The following DLG2 variants were observed in gnomAD, a reference collection of about 807,000 sequenced individuals.
DLG2 encodes the protein disks large homolog 2.
DLG2 carries 45 observed loss-of-function variants against 132.5 expected under a neutral mutation model. That is an observed-to-expected ratio of 0.34 (90% confidence interval 0.27 to 0.44). DLG2 has a LOEUF of 0.44. Ranked by LOEUF, DLG2 falls within the 20% of genes least tolerant of loss-of-function variation. The pLI is 1.00. For missense variants in DLG2, 1,045 were observed against 1,196.9 expected, an observed-to-expected ratio of 0.87 and a Z score of 1.87; for synonymous variants, 424 against 419.6, an observed-to-expected ratio of 1.01 and a Z score of -0.13.
intron 3 of DLG2, among the ~76,000 whole-genome samples, chr11:85,425,492 C>T (rs1390426151): frequency 1.3e-5 from 2 of 151,796 alleles, no homozygotes; most frequent in Non-Finnish European, 2.9e-5. Context: ...AAAAGTGGTA[C>T]ACTCATACAT....
intron 6 of DLG2, among the ~76,000 whole-genome samples, chr11:84,845,104 T>C (rs1009630433): frequency 5.3e-5 from 8 of 152,144 alleles, no homozygotes. Flanking sequence ...ACCACTAGAA[T>C]ATTCTCAGTT....
At chr11:84,397,590 G>T (rs1473128531) in intron 7 of DLG2, among the ~76,000 whole-genome samples, 2 of 152,152 alleles carry the variant, frequency 1.3e-5, no homozygotes, top group Admixed American at 1.3e-4. Flanking sequence ...TGATGAAAGT[G>T]GTAGTGACAA....
chr11:85,222,667 G>T (rs1315270597), intron 4 of DLG2, among the ~76,000 whole-genome samples: 2 of 152,214 alleles, frequency 1.3e-5, no homozygotes, highest in Non-Finnish European at 2.9e-5. Context: ...TAGACCCAGA[G>T]ACTGTGCTTT....
Position 84,420,621 on chromosome 11 carries a change from G to GCCT in DLG2, c.519+113946_519+113948dup, listed in dbSNP as rs1309572616. Among the ~76,000 whole-genome samples, 27 of 135,358 alleles carry GCCT rather than the reference G, an allele frequency of 2.0e-4. 1 individual carries two copies. The highest frequency in any genetic ancestry group is 6.6e-4 in the African/African-American group (25 of 37,676). 88.8% of individuals were successfully genotyped at this position (135,358 alleles called of 152,430 possible). ...TTTAATTTGCCGCTTGTATTTCACT[G>GCCT]CCTCAGCACAGTGACCAATGCTTGT... On this transcript the variant is annotated intron_variant, in intron 7 of 27. Transcript: ENST00000376104.
rs536389583 is a variant in DLG2 at position 83,499,586 on chromosome 11, T to TC, written c.2194-15359_2194-15358insG. 6.8e-3 allele frequency among the ~76,000 whole-genome samples: 1,031 copies of TC among 150,934 alleles called. 16 individuals are homozygous for TC. The highest frequency in any genetic ancestry group is 0.024 in the African/African-American group (998 of 41,204). On this transcript the variant is annotated intron_variant, in intron 21 of 27. Coordinates refer to ENST00000376104, the MANE Select transcript of DLG2 (RefSeq NM_001142699.3). ...GTCCCAAGAATGTATCATGATTGCT[T>TC]TTTTTTTCCCTTTCAACACCCTCTA...
chr11:83,817,217 G>T (rs1006689239), intron 17 of DLG2, among the ~76,000 whole-genome samples: 1 of 152,148 alleles, frequency 6.6e-6, no homozygotes, highest in African/African-American at 2.4e-5. Context: ...GATATACAAA[G>T]CACATTAAGA....
intron 21 of DLG2, among the ~76,000 whole-genome samples, chr11:83,507,896 CA>C (rs2094813623): frequency 6.6e-6 from 1 of 150,620 alleles, no homozygotes; most frequent in Admixed American, 6.6e-5. Context: ...ATCCGAGTCT[CA>C]AAACTAAAGA....
intron 17 of DLG2, among the ~76,000 whole-genome samples, chr11:83,821,833 C>T (rs547140406): frequency 1.6e-4 from 24 of 152,266 alleles, no homozygotes; most frequent in African/African-American, 5.5e-4. Flanking sequence ...CTTCTCTCTA[C>T]TGAATCATTT....
chr11:85,600,316 G>T (rs909586380), intron 2 of DLG2, among the ~76,000 whole-genome samples: 2 of 152,080 alleles, frequency 1.3e-5, no homozygotes, highest in Non-Finnish European at 2.9e-5. Context: ...ACTAAATCCA[G>T]CAGTCAATTA....
intron 9 of DLG2, among the ~76,000 whole-genome samples, chr11:84,106,092 G>C (rs1246486331): frequency 1.3e-5 from 2 of 152,064 alleles, no homozygotes; most frequent in African/African-American, 4.8e-5. Flanking sequence ...GTAGAATAAA[G>C]ATATCAAAAA....
intron 17 of DLG2, among the ~76,000 whole-genome samples, chr11:83,787,318 T>TG (rs2040238282): frequency 1.1e-5 from 1 of 91,766 alleles, no homozygotes; most frequent in South Asian, 3.8e-4. Context: ...CCTTGTTTTT[T>TG]TTTTGTTTTT....
At chr11:84,283,552 C>T (rs1366530389) in intron 7 of DLG2, among the ~76,000 whole-genome samples, 2 of 152,184 alleles carry the variant, frequency 1.3e-5, no homozygotes, top group East Asian at 3.9e-4. Flanking sequence ...ATTAGTCCAA[C>T]ATACATTTGA....
At chr11:85,063,280 G>A (rs559841320) in intron 6 of DLG2, among the ~76,000 whole-genome samples, 6 of 151,814 alleles carry the variant, frequency 4.0e-5, no homozygotes, top group Admixed American at 6.6e-5. Context: ...ATAAGTTCTT[G>A]CATACAAATC....
At chr11:83,602,794 C>A (rs1371307993) in intron 19 of DLG2, among the ~76,000 whole-genome samples, 1 of 152,144 alleles carries the variant, frequency 6.6e-6, no homozygotes, top group Non-Finnish European at 1.5e-5. Flanking sequence ...GAAATGGTGA[C>A]AAGGATGTGA....
chr11:83,831,149 G>C (rs1046466049), intron 17 of DLG2, among the ~76,000 whole-genome samples: 1 of 152,174 alleles, frequency 6.6e-6, no homozygotes, highest in African/African-American at 2.4e-5. Flanking sequence ...ATAAGATAGA[G>C]AATTTGCTTT....
At chr11:85,407,910 A>T (rs1181798895) in intron 3 of DLG2, among the ~76,000 whole-genome samples, 1 of 151,618 alleles carries the variant, frequency 6.6e-6, no homozygotes, top group African/African-American at 2.4e-5. Context: ...TCAAGCATGG[A>T]GAGGCACATA....
rs1161993469 is a variant in DLG2 at position 83,455,276 on chromosome 11, T to G, written c.*4542A>C. On this transcript the variant is annotated 3_prime_UTR_variant, in exon 28 of 28. Coordinates refer to ENST00000376104, the MANE Select transcript of DLG2 (RefSeq NM_001142699.3). ...TAAGCTGTGCAGTGTCTCTGTAAAC[T>G]CCAGCCTAGGCAAGGAGTATTCCCA... 1 of 152,590 alleles carries G rather than the reference T, an allele frequency of 6.6e-6. No individual in the cohort carries two copies. The highest frequency in any genetic ancestry group is 1.9e-4 in the East Asian group (1 of 5,200). The allele number at this position is 152,590 out of a possible 1,614,324, so 9.5% of individuals were successfully genotyped here.
At chr11:84,554,132 G>T (rs1477824376) in intron 6 of DLG2, among the ~76,000 whole-genome samples, 1 of 152,132 alleles carries the variant, frequency 6.6e-6, no homozygotes, top group Non-Finnish European at 1.5e-5. Flanking sequence ...TCAGTTCATG[G>T]CTTCATTTGT....
intron 6 of DLG2, among the ~76,000 whole-genome samples, chr11:85,062,755 A>T (rs2064302797): frequency 1.3e-5 from 2 of 151,788 alleles, no homozygotes; most frequent in Admixed American, 6.6e-5. Context: ...CAGATCTGAA[A>T]CTAAAATGGG....
Sources: gnomAD v4.1 joint callset for allele counts (sites outside exome capture counted in the v4.1 genomes callset) on GRCh38, gnomAD v4.1.1 for gene constraint, MANE v1.5 for transcripts, NCBI Gene and HGNC (gene_info 2026-07-23, HGNC 2026-07-21) for gene names.